Variants in PHACTR1 observed in about 807,000 individuals in gnomAD.
PHACTR1 encodes RPEL repeat containing 1.
In PHACTR1, 16 loss-of-function variants were observed where a neutral mutation model predicts 69.2. The ratio of observed to expected loss-of-function variants is 0.23; its 90% CI spans 0.16 to 0.35. The LOEUF is 0.35. PHACTR1 is among the 10% of genes least tolerant of loss of function. PHACTR1 has a pLI of 1.00. For missense variants in PHACTR1, 510 were observed against 734.7 expected (o/e 0.69, Z 3.54); for synonymous variants, 312 against 284.5 (o/e 1.10, Z -0.97).
intron 4 of PHACTR1, among the ~76,000 whole-genome samples, chr6:12,829,540 T>C (rs1777179537): frequency 6.6e-6 from 1 of 152,208 alleles, no homozygotes; most frequent in African/African-American, 2.4e-5. Context: ...ATTAGTGGCT[T>C]GGAGTATGGA....
intron 7 of PHACTR1, among the ~76,000 whole-genome samples, chr6:13,193,612 T>C (rs1484382130): frequency 6.6e-6 from 1 of 151,826 alleles, no homozygotes; most frequent in Non-Finnish European, 1.5e-5. Flanking sequence ...GATCTCCAAC[T>C]CCTGGGCTCA....
At chr6:12,737,730 G>T (rs1351074928) in intron 3 of PHACTR1, among the ~76,000 whole-genome samples, 3 of 151,802 alleles carry the variant, frequency 2.0e-5, no homozygotes, top group Non-Finnish European at 4.4e-5. Context: ...AAGTAGCTGG[G>T]ACTACAGGCG....
At chr6:12,952,269 A>G (rs1791389065) in intron 4 of PHACTR1, among the ~76,000 whole-genome samples, 1 of 152,056 alleles carries the variant, frequency 6.6e-6, no homozygotes, top group Non-Finnish European at 1.5e-5. Flanking sequence ...ATTAGGGTTC[A>G]CTCTTGGTGC....
intron 6 of PHACTR1, among the ~76,000 whole-genome samples, chr6:13,166,519 A>G (rs977754000): frequency 6.6e-6 from 1 of 152,218 alleles, no homozygotes; most frequent in African/African-American, 2.4e-5. Flanking sequence ...GCATGTTCAC[A>G]TGACTTGGTT....
At chr6:12,743,015 T>G (rs559722540) in intron 3 of PHACTR1, among the ~76,000 whole-genome samples, 9 of 152,264 alleles carry the variant, frequency 5.9e-5, no homozygotes, top group Admixed American at 2.6e-4. Flanking sequence ...ACTGGGCAAT[T>G]GTTGGAACCA....
At chr6:12,899,354 T>C (rs1201432523) in intron 4 of PHACTR1, among the ~76,000 whole-genome samples, 1 of 152,198 alleles carries the variant, frequency 6.6e-6, no homozygotes, top group African/African-American at 2.4e-5. Flanking sequence ...ATTAAAGTAA[T>C]AACAGCACCC....
intron 10 of PHACTR1, among the ~76,000 whole-genome samples, chr6:13,270,767 A>G (rs1777535318): frequency 6.6e-6 from 1 of 152,206 alleles, no homozygotes; most frequent in East Asian, 1.9e-4. Context: ...GTATTAGGCC[A>G]TTCTTGCATT....
chr6:13,133,369 A>G (rs1387913371), intron 5 of PHACTR1, among the ~76,000 whole-genome samples: 1 of 150,770 alleles, frequency 6.6e-6, no homozygotes, highest in Non-Finnish European at 1.5e-5. Flanking sequence ...TAATGCCGCC[A>G]TCTCGGCTCA....
chr6:12,993,981 A>T (rs1797112835), intron 4 of PHACTR1, among the ~76,000 whole-genome samples: 1 of 152,218 alleles, frequency 6.6e-6, no homozygotes, highest in African/African-American at 2.4e-5. Flanking sequence ...ACTAGAAATA[A>T]GATATAAATA....
At chr6:13,257,153 G>T (rs1480016548) in intron 10 of PHACTR1, among the ~76,000 whole-genome samples, 1 of 152,226 alleles carries the variant, frequency 6.6e-6, no homozygotes, top group East Asian at 1.9e-4. Context: ...CAAAGGGGGA[G>T]TGAGGCATCT....
At chr6:12,867,381 G>A (rs1283233147) in intron 4 of PHACTR1, among the ~76,000 whole-genome samples, 1 of 152,166 alleles carries the variant, frequency 6.6e-6, no homozygotes, top group African/African-American at 2.4e-5. Flanking sequence ...TCCAACAATT[G>A]AATTACATAA....
At chr6:12,951,436 C>G (rs549890668) in intron 4 of PHACTR1, among the ~76,000 whole-genome samples, 1 of 152,298 alleles carries the variant, frequency 6.6e-6, no homozygotes, top group African/African-American at 2.4e-5. Context: ...AAAATAAACT[C>G]ATTTTTAAGA....
At chr6:12,796,197 G>A (rs1772980098) in intron 4 of PHACTR1, among the ~76,000 whole-genome samples, 1 of 152,166 alleles carries the variant, frequency 6.6e-6, no homozygotes, top group Non-Finnish European at 1.5e-5. Context: ...CAATATTTGA[G>A]TGCCCTTTGA....
At chr6:13,232,712 A>G (rs1771410792) in intron 10 of PHACTR1, among the ~76,000 whole-genome samples, 1 of 152,096 alleles carries the variant, frequency 6.6e-6, no homozygotes, top group African/African-American at 2.4e-5. Flanking sequence ...TGGCTTCCCC[A>G]ATCTCTCTCA....
chr6:12,800,268 A>G (rs939065811), intron 4 of PHACTR1, among the ~76,000 whole-genome samples: 2 of 152,230 alleles, frequency 1.3e-5, no homozygotes, highest in Non-Finnish European at 2.9e-5. Context: ...CATTTTTAAA[A>G]TATAAAGATT....
intron 5 of PHACTR1, among the ~76,000 whole-genome samples, chr6:13,138,469 C>T (rs374893652): frequency 1.1e-4 from 16 of 152,306 alleles, no homozygotes; most frequent in South Asian, 4.1e-4. Flanking sequence ...CTCAGGCAGG[C>T]ATTTTAAGGT....
At chr6:13,082,876 T>G (rs1270524850) in intron 5 of PHACTR1, among the ~76,000 whole-genome samples, 1 of 152,212 alleles carries the variant, frequency 6.6e-6, no homozygotes, top group Non-Finnish European at 1.5e-5. Context: ...TGCAAAAATT[T>G]TCTCCCATTC....
At chr6:12,941,176 A>G (rs1459568192) in intron 4 of PHACTR1, among the ~76,000 whole-genome samples, 2 of 152,168 alleles carry the variant, frequency 1.3e-5, no homozygotes, top group Admixed American at 6.5e-5. Context: ...TTGAGTCCCA[A>G]TACGTTTGGG....
At chr6:13,220,947 G>T (rs1332375587) in intron 8 of PHACTR1, among the ~76,000 whole-genome samples, 1 of 152,142 alleles carries the variant, frequency 6.6e-6, no homozygotes, top group Non-Finnish European at 1.5e-5. Flanking sequence ...TTGGCGTGGG[G>T]GGTAAATGCT....
Sources: allele counts gnomAD v4.1 joint callset (sites outside exome capture counted in the v4.1 genomes callset), GRCh38; gene constraint gnomAD v4.1.1; transcripts MANE v1.5; gene names NCBI Gene and HGNC (gene_info 2026-07-23, HGNC 2026-07-21).